MORC2: variants seen among roughly 807,000 people sequenced by gnomAD.
MORC2 encodes the protein ATPase MORC2.
A neutral mutation model predicts 136.0 loss-of-function variants in MORC2; 30 were observed. The observed-to-expected ratio is 0.22, with a 90% CI of 0.17 to 0.30. MORC2 has a LOEUF of 0.30. Among genes scored for constraint, MORC2 ranks in the 10% least tolerant of loss-of-function variants. The probability of loss-of-function intolerance (pLI) is 1.00; values close to 1 mark genes in which losing one functional copy is unlikely to be tolerated. For synonymous variants in MORC2, 439 were observed against 487.0 expected (o/e 0.90, Z 1.30); for missense variants, 922 against 1,333.1 (o/e 0.69, Z 4.80).
At position 30,968,047 on chromosome 22, in the gene MORC2, G is replaced by C. The variant is rs1484707423; in HGVS notation, c.-158C>G. On this transcript the variant is annotated 5_prime_UTR_variant, in exon 1 of 26. It adds an upstream start codon to the 5' untranslated region. Coordinates refer to ENST00000397641, the MANE Select transcript of MORC2 (RefSeq NM_001303256.3). ...AGTAGCTATCCAAAATATATGCAGA[G>C]ATGTTTAAAACTACAATTTCTTCAA... 2 of 581,388 alleles carry C rather than the reference G, an allele frequency of 3.4e-6. No homozygotes were observed. Among genetic ancestry groups the C allele is most frequent in the South Asian group, 4.7e-5 (2 of 42,624 alleles). 36.0% of individuals were successfully genotyped at this position (581,388 alleles called of 1,614,324 possible).
chr22:30,945,683 C>T (rs1452989964), intron 6 of MORC2, among the ~76,000 whole-genome samples: 1 of 152,186 alleles, frequency 6.6e-6, no homozygotes. Flanking sequence ...GTTTAGCTTA[C>T]ATAGTCAATT....
chr22:30,927,217 C>T (rs758524571), intron 25 of MORC2, among the ~76,000 whole-genome samples: 37 of 152,082 alleles, frequency 2.4e-4, no homozygotes, highest in Non-Finnish European at 4.6e-4. Flanking sequence ...GTGGGAGCCT[C>T]CTCACAGGAG....
chr22:30,940,770 C>A lies in MORC2; in HGVS notation c.892G>T (p.Val298Leu), dbSNP rs772766261. ...AEQEVKKAEH[V>L]ARIAEEKARE... ...AGAGTGGCATTACCAATCCTTGCTA[C>A]GTGCTCTGCTTTCTTCACCTCCTGC... The change falls in exon 10 of 26, where the codon GTA (valine) becomes TTA (leucine). Residue 298 changes from valine (V) to leucine (L), a missense_variant. Val to Leu is a conservative substitution (Grantham distance 32). Coordinates refer to ENST00000397641, the MANE Select transcript of MORC2 (RefSeq NM_001303256.3). 1.2e-6 allele frequency: 2 copies of A among 1,614,096 alleles called. No homozygotes were observed. The highest frequency in any genetic ancestry group is 1.7e-5 in the Admixed American group (1 of 60,022).
At position 30,942,243 on chromosome 22, in the gene MORC2, G is replaced by C. The variant is rs1255740355; in HGVS notation, c.455C>G (p.Ala152Gly). ...EVIVPLPTWN[A>G]RTREPVTDNV... ...GTCTGTGACAGGTTCCCGGGTCCGA[G>C]CATTCCAGGTGGGCAGTGGGACTAT... The change falls in exon 7 of 26, where the codon GCT (alanine) becomes GGT (glycine). Residue 152 changes from alanine to glycine, a missense_variant. Around this residue, in one of 9 missense-constraint regions of MORC2, gnomAD observed 261 missense variants for 354.3 expected, o/e 0.74. Transcript: ENST00000397641. 3 of 1,613,046 alleles carry C rather than the reference G, an allele frequency of 1.9e-6. No individual in the cohort carries two copies. The South Asian group carries it at 3.3e-5, about 18-fold the overall frequency.
chr22:30,927,651 C>A (rs1602471284), intron 25 of MORC2, among the ~76,000 whole-genome samples: 1 of 152,248 alleles, frequency 6.6e-6, no homozygotes, highest in Non-Finnish European at 1.5e-5. Flanking sequence ...AGGCACAGAG[C>A]AGGCCCTCAT....
chr22:30,929,805 G>A (rs141927880), intron 24 of MORC2: 27 of 152,200 alleles, frequency 1.8e-4, no homozygotes, highest in African/African-American at 6.3e-4. Flanking sequence ...ACAATTAGCA[G>A]GACAAAGGTG....
chr22:30,939,926 G>A (rs367628154), intron 11 of MORC2, 33 bp downstream of exon 11: 14 of 1,602,328 alleles, frequency 8.7e-6, no homozygotes, highest in East Asian at 4.5e-5. Context: ...TGCCAGAAAC[G>A]CTGGAGAACA....
chr22:30,934,969 G>A lies in MORC2; in HGVS notation c.2005C>T (p.Gln669Ter). Residue 669 changes from glutamine (Q) to a stop codon, truncating the protein, a stop_gained, in exon 19 of 26, where the codon CAG becomes TAG. Coordinates refer to ENST00000397641, the MANE Select transcript of MORC2 (RefSeq NM_001303256.3). LOFTEE classifies it high-confidence loss of function. The surrounding 1 kb of genome is among the most constrained non-coding windows in gnomAD (Gnocchi z 4.4). ...GGCTTTCGGGGTGCCTCAGGTGGCT[G>A]GAGCAGCCTAGATGTGCTGGCCTCC... ...REEASTSRLL[Q>*]PPEAPRKPAN... is the part of the protein sequence containing the mutation. 2 of 1,614,126 alleles carry A rather than the reference G, an allele frequency of 1.2e-6. No individual in the cohort carries two copies. The highest frequency in any genetic ancestry group is 1.7e-6 in the Non-Finnish European group (2 of 1,180,028).
intron 6 of MORC2, among the ~76,000 whole-genome samples, chr22:30,944,505 G>A (rs905143208): frequency 2.0e-5 from 3 of 151,822 alleles, no homozygotes; most frequent in Non-Finnish European, 4.4e-5. Context: ...CATGCTCTAG[G>A]TCCCAGATCC....
chr22:30,946,310 T>C, intron 6 of MORC2, 31 bp downstream of exon 6: 1 of 1,551,452 alleles, frequency 6.4e-7, no homozygotes, highest in Non-Finnish European at 8.8e-7. Flanking sequence ...AAATGAGGAC[T>C]GGTGATGCAG....
At position 30,925,447 on chromosome 22, in the gene MORC2, G is replaced by T. The variant is rs910171055; in HGVS notation, c.*1356C>A. On this transcript the variant is annotated 3_prime_UTR_variant, in exon 26 of 26. Transcript: ENST00000397641. ...GGAAGGTCCAAAACCCACCAGACAGGCACATCCAGTGGGGAAAAGACTTCC... is the reference window on the plus strand; with the variant it reads ...GGAAGGTCCAAAACCCACCAGACAGTCACATCCAGTGGGGAAAAGACTTCC... The T allele has an allele frequency of 1.2e-5, 2 of 160,576 alleles. No individual in the cohort carries two copies. Among genetic ancestry groups the T allele is most frequent in the African/African-American group, 4.8e-5 (2 of 41,480 alleles). The allele number at this position is 160,576 out of a possible 1,614,324, so 9.9% of individuals were successfully genotyped here. A position where few individuals can be genotyped will look rare whatever the true frequency, so the allele number is the denominator to read the frequency against.
chr22:30,940,911 C>T, intron 9 of MORC2, 74 bp from the exon 10 acceptor site: 2 of 1,239,270 alleles, frequency 1.6e-6, no homozygotes, highest in Non-Finnish European at 2.4e-6. Context: ...ACAGGAAGCA[C>T]CCTGCCTTCC....
chr22:30,967,681 T>A, intron 1 of MORC2, 141 bp downstream of exon 1: 1 of 1,469,184 alleles, frequency 6.8e-7, no homozygotes. Context: ...AATACAGAGC[T>A]CAAGATATCC....
intron 6 of MORC2, among the ~76,000 whole-genome samples, 199 bp from the exon 7 acceptor site, chr22:30,942,470 T>C (rs1012453252): frequency 1.1e-4 from 16 of 152,206 alleles, no homozygotes; most frequent in Non-Finnish European, 2.2e-4. Context: ...ACAAGACTAC[T>C]TCCTTCAGGA....
In MORC2 at chr22:30,925,785, GA is replaced by G; in HGVS notation, c.*1017del. On this transcript the variant is annotated 3_prime_UTR_variant, in exon 26 of 26. Transcript: ENST00000397641. ...GGACACAGATTGTGGCGCCGTGATG[GA>G]ACATGGAGGGAAGGCATGGTGTGCT... is the stretch of plus-strand genomic sequence containing the variant. 6.5e-6 allele frequency: 1 copy of G among 153,530 alleles called. No individual in the cohort carries two copies. The highest frequency in any genetic ancestry group is 1.9e-4 in the East Asian group (1 of 5,196). The allele number at this position is 153,530 out of a possible 1,614,324, so 9.5% of individuals were successfully genotyped here.
rs1362140199 is a variant in MORC2 at position 30,968,710 on chromosome 22, A to G, written c.-821T>C. On this transcript the variant is annotated 5_prime_UTR_variant, in exon 1 of 26. Transcript: ENST00000397641. ...CGAAGAGGAGCTACTCCCGGCTTCC[A>G]AGGACCGGATCGAGGGCAGTGGCGA... 3.3e-5 allele frequency among the ~76,000 whole-genome samples: 5 copies of G among 152,038 alleles called. No individual in the cohort carries two copies. Among genetic ancestry groups the G allele is most frequent in the Non-Finnish European group, 1.5e-5 (1 of 67,996 alleles).
intron 21 of MORC2, 138 bp downstream of exon 21, chr22:30,933,328 T>G (rs1373993479): frequency 4.2e-6 from 4 of 941,714 alleles, no homozygotes; most frequent in Non-Finnish European, 6.4e-6. Context: ...GGGATTAGAC[T>G]TGGATCCACT....
chr22:30,938,300 T>A (rs1210958693), intron 12 of MORC2, 95 bp from the exon 13 acceptor site: 1 of 1,443,018 alleles, frequency 6.9e-7, no homozygotes, highest in African/African-American at 1.4e-5. Flanking sequence ...ACTTGAAACA[T>A]GTTAAGCCAA....
intron 24 of MORC2, among the ~76,000 whole-genome samples, chr22:30,931,199 C>T (rs1470595391): frequency 6.6e-6 from 1 of 152,238 alleles, no homozygotes; most frequent in Non-Finnish European, 1.5e-5. Flanking sequence ...AAATCACCCT[C>T]TTAGGGGAAG....
Sources: gnomAD v4.1 joint callset for allele counts (sites outside exome capture counted in the v4.1 genomes callset) on GRCh38, gnomAD v4.1.1 for gene constraint, gnomAD v4.1.1 regional missense constraint, Gnocchi (gnomAD v3.1) non-coding constraint, MANE v1.5 for transcripts, NCBI Gene and HGNC (gene_info 2026-07-23, HGNC 2026-07-21) for gene names.